Variants in C6orf62 observed in about 807,000 individuals in gnomAD.
C6orf62 encodes uncharacterized protein C6orf62.
A neutral mutation model predicts 26.8 loss-of-function variants in C6orf62; 16 were observed. That is an observed-to-expected ratio of 0.60 (90% CI 0.40 to 0.91). The LOEUF is 0.91. Among genes scored for constraint, C6orf62 ranks in the 40% least tolerant of loss-of-function variants. The pLI, the probability that C6orf62 is intolerant of heterozygous loss-of-function variation, is 0.00. For synonymous variants in C6orf62, 112 were observed against 91.5 expected (o/e 1.22, Z -1.28); for missense variants, 192 against 271.4 (o/e 0.71, Z 2.06).
intron 4 of C6orf62, 68 bp from the exon 5 acceptor site, chr6:24,706,330 A>G (rs986242018): frequency 4.0e-5 from 62 of 1,567,728 alleles, no homozygotes; most frequent in Non-Finnish European, 5.3e-5. Context: ...CATGAAGTCC[A>G]TTTCCCACAA....
intron 2 of C6orf62, among the ~76,000 whole-genome samples, chr6:24,715,763 A>G (rs1562171023): frequency 6.8e-6 from 1 of 146,712 alleles, no homozygotes; most frequent in East Asian, 2.2e-4. Context: ...CAGGAGAATC[A>G]TTTGAATGCG....
chr6:24,705,908 A>T lies in C6orf62; in HGVS notation c.*229T>A. On this transcript the variant is annotated 3_prime_UTR_variant, in exon 5 of 5. Coordinates refer to ENST00000378119, the MANE Select transcript of C6orf62 (RefSeq NM_030939.5). Reference sequence around the variant, plus strand: ...AGTAAGATACTGATGCAGTGCAGCAAATATGCAAAGCATCTTCTTTCACAC... The same window carrying T: ...AGTAAGATACTGATGCAGTGCAGCATATATGCAAAGCATCTTCTTTCACAC... 1 of 477,752 alleles carries T rather than the reference A, an allele frequency of 2.1e-6. No homozygotes were observed. The highest frequency in any genetic ancestry group is 3.5e-6 in the Non-Finnish European group (1 of 283,770). 29.6% of individuals were successfully genotyped at this position (477,752 alleles called of 1,614,324 possible). A position where few individuals can be genotyped will look rare whatever the true frequency, so the allele number is the denominator to read the frequency against.
chr6:24,714,311 A>G lies in C6orf62; in HGVS notation c.429+7T>C, dbSNP rs781739855. On this transcript the variant is annotated splice_region_variant and intron_variant, in intron 3 of 4. Coordinates refer to ENST00000378119, the MANE Select transcript of C6orf62 (RefSeq NM_030939.5). ...TGAAATACTCATCACACTTTAGACC[A>G]AAATACCTGAACAGGCCTAAAAGGC... 2.2e-5 allele frequency: 35 copies of G among 1,599,216 alleles called. No individual in the cohort carries two copies. The highest frequency in any genetic ancestry group is 2.9e-5 in the Non-Finnish European group (34 of 1,175,308).
At chr6:24,720,151 C>T, upstream of C6orf62, 1 of 1,366,442 alleles carries the variant, frequency 7.3e-7, no homozygotes, top group East Asian at 2.9e-5. Flanking sequence ...GGAATTGAGG[C>T]AGCTAGGGCG....
At chr6:24,720,417 C>T (rs1044151431), upstream of C6orf62, 4 of 1,136,870 alleles carry the variant, frequency 3.5e-6, no homozygotes, top group Non-Finnish European at 4.3e-6. Flanking sequence ...GCTGCCGCCG[C>T]TCAGCCCCCA....
upstream of C6orf62, chr6:24,719,684 C>T: frequency 1.4e-6 from 2 of 1,474,226 alleles, no homozygotes; most frequent in Middle Eastern, 2.5e-4. Context: ...GGGAGACTTC[C>T]CTGTGGATCT....
intron 4 of C6orf62, chr6:24,707,239 G>A (rs1779027855): frequency 6.6e-6 from 1 of 152,132 alleles, no homozygotes; most frequent in Admixed American, 6.5e-5. Flanking sequence ...TTTCACAGAA[G>A]CAACATGCTC....
In C6orf62 at chr6:24,706,100, GCA is replaced by G. The variant is rs1291847708; in HGVS notation, c.*35_*36del. The G allele has an allele frequency of 1.2e-6, 2 of 1,601,490 alleles. No homozygotes were observed. The highest frequency in any genetic ancestry group is 8.5e-7 in the Non-Finnish European group (1 of 1,173,182). ...GAAAACAAGAAAAAAAACTGCTGCT[GCA>G]TTCTCTGATCTTCTCCATTTTGCTG... On this transcript the variant is annotated 3_prime_UTR_variant, in exon 5 of 5. Transcript: ENST00000378119.
intron 3 of C6orf62, among the ~76,000 whole-genome samples, chr6:24,710,848 T>G (rs1458055173): frequency 6.6e-6 from 1 of 151,788 alleles, no homozygotes; most frequent in Non-Finnish European, 1.5e-5. Context: ...AAATAATTAG[T>G]TGGGCATGGG....
At chr6:24,713,528 C>A (rs532850338) in intron 3 of C6orf62, among the ~76,000 whole-genome samples, 2 of 151,974 alleles carry the variant, frequency 1.3e-5, no homozygotes, top group Admixed American at 6.5e-5. Context: ...ATAAAGAAGC[C>A]TTCTAATATT....
chr6:24,717,273 C>T (rs888991384), intron 1 of C6orf62, among the ~76,000 whole-genome samples: 1 of 152,308 alleles, frequency 6.6e-6, no homozygotes, highest in Admixed American at 6.5e-5. Flanking sequence ...TATGGTCTCA[C>T]TACTTATTAT....
Position 24,718,703 on chromosome 6 carries a change from T to G in C6orf62, c.-35A>C, listed in dbSNP as rs1779288441. 5 of 1,608,816 alleles carry G rather than the reference T, an allele frequency of 3.1e-6. No homozygotes were observed. The highest frequency in any genetic ancestry group is 4.2e-6 in the Non-Finnish European group (5 of 1,178,904). Reference sequence around the variant, plus strand: ...CAGGTGGTACTAAAGCCTTTGGAAATTGTCACTAAACTATGGGCACTTTTT... The same window carrying G: ...CAGGTGGTACTAAAGCCTTTGGAAAGTGTCACTAAACTATGGGCACTTTTT... On this transcript the variant is annotated 5_prime_UTR_variant, in exon 1 of 5. Coordinates refer to ENST00000378119, the MANE Select transcript of C6orf62 (RefSeq NM_030939.5).
Position 24,718,972 on chromosome 6 carries a change from A to G in C6orf62, c.-304T>C, listed in dbSNP as rs148467280. The G allele has an allele frequency of 1.3e-3, 1,559 of 1,167,318 alleles. 7 individuals carry two copies. The highest frequency in any genetic ancestry group is 0.011 in the Middle Eastern group (28 of 2,666). 72.3% of individuals were successfully genotyped at this position (1,167,318 alleles called of 1,614,324 possible). On this transcript the variant is annotated 5_prime_UTR_variant, in exon 1 of 5. Coordinates refer to ENST00000378119, the MANE Select transcript of C6orf62 (RefSeq NM_030939.5). ...GAGAAAATAACTAACTTTCTGGAAA[A>G]CACATTTGGCTTAACTGCCAAAATA...
intron 3 of C6orf62, among the ~76,000 whole-genome samples, chr6:24,713,970 C>G (rs1392182214): frequency 5.9e-5 from 9 of 152,198 alleles, no homozygotes; most frequent in Non-Finnish European, 1.0e-4. Flanking sequence ...CTTTGGGAAG[C>G]AGCAGTTAAA....
At chr6:24,720,674 C>G (rs978236183), upstream of C6orf62, 2 of 152,642 alleles carry the variant, frequency 1.3e-5, no homozygotes, top group Non-Finnish European at 1.5e-5. Context: ...CCCCTACAGT[C>G]GGATTCCGGC....
At chr6:24,720,013 G>GGGGGGGA, upstream of C6orf62, 2 of 1,479,416 alleles carry the variant, frequency 1.4e-6, no homozygotes, top group Non-Finnish European at 1.8e-6. Flanking sequence ...TCTAAAGTAA[G>GGGGGGGA]CCCACCCACC....
intron 3 of C6orf62, chr6:24,709,837 AAT>A (rs1779085216): frequency 1.0e-6 from 1 of 985,414 alleles, no homozygotes. Context: ...TAGATTTAAC[AAT>A]ATGATATTTA....
At chr6:24,720,519 G>A (rs1412124993), upstream of C6orf62, 4 of 446,442 alleles carry the variant, frequency 9.0e-6, no homozygotes, top group Non-Finnish European at 1.2e-5. Flanking sequence ...AAGAAAAAGA[G>A]GAAAAACAAA....
At chr6:24,708,646 G>C in intron 4 of C6orf62, 131 bp downstream of exon 4, 1 of 1,253,550 alleles carries the variant, frequency 8.0e-7, no homozygotes, top group African/African-American at 1.5e-5. Flanking sequence ...CCTATTTTTT[G>C]CTTTTTAAAT....
Sources: gnomAD v4.1 joint callset for allele counts (sites outside exome capture counted in the v4.1 genomes callset) on GRCh38, gnomAD v4.1.1 for gene constraint, MANE v1.5 for transcripts, NCBI Gene and HGNC (gene_info 2026-07-23, HGNC 2026-07-21) for gene names.